The following PKNOX1 variants were observed in gnomAD, a reference collection of about 807,000 sequenced individuals.
PKNOX1 encodes PBX/knotted 1 homeobox 1, also known as homeobox protein PKNOX1.
Under a neutral mutation model 51.9 loss-of-function variants are expected in PKNOX1, and 15 were observed. That is an observed-to-expected ratio of 0.29 (90% CI 0.19 to 0.45). PKNOX1 has a LOEUF of 0.45. Ranked by LOEUF, PKNOX1 falls within the 20% of genes least tolerant of loss-of-function variation. The probability of loss-of-function intolerance (pLI) is 1.00; values close to 1 mark genes in which losing one functional copy is unlikely to be tolerated. For synonymous variants in PKNOX1, 219 were observed against 211.1 expected (o/e 1.04, Z -0.32); for missense variants, 462 against 547.5 (o/e 0.84, Z 1.56).
intron 1 of PKNOX1, among the ~76,000 whole-genome samples, chr21:43,001,827 G>A (rs234763): frequency 0.36 from 54,133 of 151,644 alleles, 9,986 homozygotes; most frequent in African/African-American, 0.41. Context: ...GGACGTAGTC[G>A]CAGGCGCCTG....
intron 5 of PKNOX1, among the ~76,000 whole-genome samples, chr21:43,016,232 C>T (rs370440816): frequency 1.1e-3 from 161 of 152,356 alleles, no homozygotes; most frequent in African/African-American, 3.4e-3. Context: ...CCAGGCGTCA[C>T]AGTCAGTGGA....
chr21:43,021,683 C>T lies in PKNOX1; in HGVS notation c.849+252C>T, dbSNP rs956443087. ...CACGTGTGTCCGAGACAGCCCACCACGAAGGGTGATGGGGTCAGGTGAGCC... is the reference window on the plus strand; with the variant it reads ...CACGTGTGTCCGAGACAGCCCACCATGAAGGGTGATGGGGTCAGGTGAGCC... On this transcript the variant is annotated intron_variant, in intron 8 of 10. Transcript: ENST00000291547. The surrounding 1 kb of genome is among the most constrained non-coding windows in gnomAD (Gnocchi z 4.6). Among the ~76,000 whole-genome samples, 2 of 152,138 alleles carry T rather than the reference C, an allele frequency of 1.3e-5. No homozygotes were observed. The highest frequency in any genetic ancestry group is 1.9e-4 in the East Asian group (1 of 5,188).
In PKNOX1 at chr21:42,990,374, G is replaced by A. The variant is rs373372499; in HGVS notation, c.-56-13952G>A. 5.3e-5 allele frequency among the ~76,000 whole-genome samples: 8 copies of A among 152,326 alleles called. No homozygotes were observed. In the South Asian group the frequency reaches 6.2e-4, roughly 12 times the overall value. On this transcript the variant is annotated intron_variant, in intron 1 of 10. Transcript: ENST00000291547. ...GCATAGTGGAGCACACTGCTAGGAT[G>A]CATCCTTAGCAAGTGAAAAAAGTGA...
chr21:43,027,811 G>A (rs1980047398), intron 9 of PKNOX1, among the ~76,000 whole-genome samples: 1 of 152,208 alleles, frequency 6.6e-6, no homozygotes, highest in South Asian at 2.1e-4. Flanking sequence ...ACCTACTCAG[G>A]AGGCTGAGGC....
rs1028284049 is a variant in PKNOX1 at position 42,982,352 on chromosome 21, T to G, written c.-57+7688T>G. Among the ~76,000 whole-genome samples, 5 of 152,318 alleles carry G rather than the reference T, an allele frequency of 3.3e-5. No individual in the cohort carries two copies. In the South Asian group the frequency reaches 8.3e-4, roughly 25 times the overall value. On this transcript the variant is annotated intron_variant, in intron 1 of 10. Transcript: ENST00000291547. ...ATAATGCCTGAGTGAGCGCATGTGT[T>G]TTGTTACATGTTCTCTCAGACATTT...
chr21:43,001,960 C>CAAATAAATAAATAAAT (rs34834721), intron 1 of PKNOX1, among the ~76,000 whole-genome samples: 27 of 146,300 alleles, frequency 1.8e-4, no homozygotes, highest in African/African-American at 5.1e-4. Flanking sequence ...GACTCCGTCT[C>CAAATAAATAAATAAAT]AAATAAATAA....
intron 1 of PKNOX1, among the ~76,000 whole-genome samples, chr21:42,985,927 G>A (rs1356824080): frequency 6.6e-6 from 1 of 151,078 alleles, no homozygotes; most frequent in Non-Finnish European, 1.5e-5. Flanking sequence ...CTTGAACCTG[G>A]GAGGTGGAGA....
chr21:42,991,568 T>G (rs2059087169), intron 1 of PKNOX1, among the ~76,000 whole-genome samples: 2 of 151,608 alleles, frequency 1.3e-5, no homozygotes, highest in Admixed American at 6.6e-5. Context: ...CTACTAAAAA[T>G]TCAAAAAAAT....
intron 1 of PKNOX1, among the ~76,000 whole-genome samples, chr21:42,998,898 T>C (rs1010396796): frequency 6.6e-6 from 1 of 152,172 alleles, no homozygotes; most frequent in Non-Finnish European, 1.5e-5. Flanking sequence ...TGTTGGTAGA[T>C]CTACCATTCT....
chr21:42,976,672 G>A (rs904020468), intron 1 of PKNOX1, among the ~76,000 whole-genome samples: 4 of 152,150 alleles, frequency 2.6e-5, no homozygotes, highest in African/African-American at 9.7e-5. Context: ...TTGCTCATCC[G>A]TAAGAAGCAA....
intron 7 of PKNOX1, among the ~76,000 whole-genome samples, chr21:43,018,736 G>A (rs1035365428): frequency 6.6e-6 from 1 of 151,928 alleles, no homozygotes; most frequent in African/African-American, 2.4e-5. Flanking sequence ...GTGCAGTGGC[G>A]CTATCTCTGC....
intron 1 of PKNOX1, among the ~76,000 whole-genome samples, chr21:42,992,948 T>C (rs975433766): frequency 7.4e-6 from 1 of 135,414 alleles, no homozygotes; most frequent in Non-Finnish European, 1.6e-5. Flanking sequence ...CTTTATGTCA[T>C]TAGGGGGCTT....
At chr21:42,975,730 C>T (rs934231560) in intron 1 of PKNOX1, among the ~76,000 whole-genome samples, 6 of 152,194 alleles carry the variant, frequency 3.9e-5, no homozygotes, top group Non-Finnish European at 4.4e-5. Context: ...CTGAGCGCCA[C>T]GGCGGGGCCG....
At chr21:42,976,285 GT>G (rs1163845075) in intron 1 of PKNOX1, among the ~76,000 whole-genome samples, 1 of 152,190 alleles carries the variant, frequency 6.6e-6, no homozygotes, top group Non-Finnish European at 1.5e-5. Context: ...AAATATTTTA[GT>G]GCTAAAAATA....
intron 2 of PKNOX1, among the ~76,000 whole-genome samples, chr21:43,006,233 C>T (rs772341917): frequency 6.6e-6 from 1 of 152,156 alleles, no homozygotes; most frequent in Non-Finnish European, 1.5e-5. Flanking sequence ...AAGCAATTCT[C>T]CTGTCTCAGC....
intron 1 of PKNOX1, among the ~76,000 whole-genome samples, chr21:42,999,021 G>A (rs115376399): frequency 7.2e-4 from 109 of 152,340 alleles, no homozygotes; most frequent in African/African-American, 2.5e-3. Context: ...TCCTAGCAGA[G>A]GTTCTCCATG....
chr21:43,029,420 C>CTTTGTTTTTTTTTTTT (rs1980133837), intron 10 of PKNOX1, among the ~76,000 whole-genome samples: 1 of 87,504 alleles, frequency 1.1e-5, no homozygotes, highest in East Asian at 3.3e-4. Flanking sequence ...TATTTGTTTG[C>CTTTGTTTTTTTTTTTT]TTTGTTTTTT....
At chr21:43,007,465 T>C (rs768309592) in intron 2 of PKNOX1, 26 bp from the exon 3 acceptor site, 7 of 1,611,630 alleles carry the variant, frequency 4.3e-6, no homozygotes. Flanking sequence ...TGTTTGCTAA[T>C]AAGAATTATC....
chr21:43,018,266 A>G (rs765053153), intron 7 of PKNOX1, 36 bp downstream of exon 7: 1 of 1,364,406 alleles, frequency 7.3e-7, no homozygotes, highest in Admixed American at 1.7e-5. Context: ...TTTGGGGGCG[A>G]GTGCTGCCCA....
Sources: gnomAD v4.1 joint callset for allele counts (sites outside exome capture counted in the v4.1 genomes callset) on GRCh38, gnomAD v4.1.1 for gene constraint, Gnocchi (gnomAD v3.1) non-coding constraint, MANE v1.5 for transcripts, NCBI Gene and HGNC (gene_info 2026-07-23, HGNC 2026-07-21) for gene names.